GDF1: variants seen among roughly 807,000 people sequenced by gnomAD.
GDF1 encodes embryonic growth/differentiation factor 1.
A neutral mutation model predicts 7.4 loss-of-function variants in GDF1; 8 were observed. The observed-to-expected ratio is 1.09, with a 90% CI of 0.64 to 1.96. The LOEUF (loss-of-function observed/expected upper bound fraction) is 1.96, where lower values mean the gene tolerates loss of function less well. Among genes scored for constraint, GDF1 ranks in the 30% most tolerant of loss-of-function variants. The pLI is 0.00. For missense variants in GDF1, 574 were observed against 551.5 expected (o/e 1.04, Z -0.41); for synonymous variants, 311 against 276.7 (o/e 1.12, Z -1.23).
intron 6 of GDF1, among the ~76,000 whole-genome samples, chr19:18,873,020 T>C (rs1418668288): frequency 6.6e-6 from 1 of 152,104 alleles, no homozygotes; most frequent in African/African-American, 2.4e-5. Context: ...CCAGAGCGAG[T>C]GTGCAGAGAG....
Position 18,885,529 on chromosome 19 carries a change from T to TG in GDF1, c.-913-1263_-913-1262insC, listed in dbSNP as rs1568302770. 1.1e-3 allele frequency among the ~76,000 whole-genome samples: 160 copies of TG among 148,906 alleles called. 3 individuals are homozygous for TG. The highest frequency in any genetic ancestry group is 3.5e-3 in the African/African-American group (140 of 40,034). On this transcript the variant is annotated intron_variant, in intron 2 of 7. Coordinates refer to ENST00000247005, the MANE Select transcript of GDF1 (RefSeq NM_001492.6). The stretch of plus-strand genomic sequence containing the variant: ...CCTTCTCGTTTTTTTTTTTTTTTTT[T>TG]TTTTTTTTGAGATGGAGTCTTGCTC...
Position 18,870,677 on chromosome 19 carries a change from C to G in GDF1, c.-312-58G>C. The G allele has an allele frequency of 3.9e-6, 2 of 510,026 alleles. No homozygotes were observed. Among genetic ancestry groups the G allele is most frequent in the East Asian group, 6.8e-5 (2 of 29,438 alleles). 31.6% of individuals were successfully genotyped at this position (510,026 alleles called of 1,614,324 possible). A position where few individuals can be genotyped will look rare whatever the true frequency, so the allele number is the denominator to read the frequency against. On this transcript the variant is annotated intron_variant, in intron 6 of 7. Transcript: ENST00000247005. The surrounding 1 kb of genome is among the most constrained non-coding windows in gnomAD (Gnocchi z 5.1). ...GAGCCCCACGCGGCCGCCTGGCCCT[C>G]TTTCCCGCTTCTTCTCTGGCCGTTT...
At chr19:18,889,045 C>T (rs2056431867) in intron 2 of GDF1, among the ~76,000 whole-genome samples, 2 of 151,680 alleles carry the variant, frequency 1.3e-5, no homozygotes, top group Admixed American at 1.3e-4. Flanking sequence ...GCATGCATCC[C>T]CACGCCTGGC....
intron 3 of GDF1, 90 bp from the exon 4 acceptor site, chr19:18,880,525 C>T: frequency 3.8e-6 from 5 of 1,313,848 alleles, no homozygotes; most frequent in East Asian, 2.6e-5. Context: ...CCCTGGGCTA[C>T]ACCTCAGGCT....
Position 18,895,742 on chromosome 19 carries a change from G to T in GDF1, c.-1074+82C>A. 1 of 756,278 alleles carries T rather than the reference G, an allele frequency of 1.3e-6. No homozygotes were observed. The allele number at this position is 756,278 out of a possible 1,614,324, so 46.8% of individuals were successfully genotyped here. ...CGCAGCAGCCAGCGCTGGAAGAAAG[G>T]AACGCGCCGGCGGCCCCAGGTCCCC... is the stretch of plus-strand genomic sequence containing the variant. On this transcript the variant is annotated intron_variant, in intron 1 of 7. Transcript: ENST00000247005. The surrounding 1 kb of genome is among the most constrained non-coding windows in gnomAD (Gnocchi z 6.4).
chr19:18,895,877 C>A lies in GDF1; in HGVS notation c.-1127G>T. ...CGCAGGGCGGTCCAGCCCAGCGCGCCGAGCGCCAGCAGCAGCAGCTCGGGC... is the reference window on the plus strand; with the variant it reads ...CGCAGGGCGGTCCAGCCCAGCGCGCAGAGCGCCAGCAGCAGCAGCTCGGGC... On this transcript the variant is annotated 5_prime_UTR_variant, in exon 1 of 8. Transcript: ENST00000247005. The surrounding 1 kb of genome is among the most constrained non-coding windows in gnomAD (Gnocchi z 6.4). The A allele has an allele frequency of 7.8e-7, 1 of 1,281,994 alleles. No homozygotes were observed. The highest frequency in any genetic ancestry group is 2.1e-5 in the South Asian group (1 of 47,108). The allele number at this position is 1,281,994 out of a possible 1,614,324, so 79.4% of individuals were successfully genotyped here.
intron 6 of GDF1, among the ~76,000 whole-genome samples, chr19:18,872,823 A>G (rs2055998881): frequency 6.6e-6 from 1 of 151,112 alleles, no homozygotes. Context: ...TAATTTTTAT[A>G]TTTTTAGTAG....
rs2056591788 is a variant in GDF1, at chr19:18,895,040, G to C, written c.-1074+784C>G. The stretch of plus-strand genomic sequence containing the variant: ...TCACCATCATGGTCACTCTCTCGCA[G>C]GGGCGATGGTCTCCGCAGAAACTGG... On this transcript the variant is annotated intron_variant, in intron 1 of 7. Transcript: ENST00000247005. The surrounding 1 kb of genome is among the most constrained non-coding windows in gnomAD (Gnocchi z 6.4). Among the ~76,000 whole-genome samples, 1 of 152,218 alleles carries C rather than the reference G, an allele frequency of 6.6e-6. No homozygotes were observed. The highest frequency in any genetic ancestry group is 2.4e-5 in the African/African-American group (1 of 41,460).
rs1249969027 is a variant in GDF1 at position 18,870,488 on chromosome 19, T to C, written c.-181A>G. 1.7e-3 allele frequency: 499 copies of C among 299,206 alleles called. No homozygotes were observed. Among genetic ancestry groups the C allele is most frequent in the Non-Finnish European group, 2.5e-3 (436 of 172,732 alleles). 18.5% of individuals were successfully genotyped at this position (299,206 alleles called of 1,614,324 possible). A position where few individuals can be genotyped will look rare whatever the true frequency, so the allele number is the denominator to read the frequency against. On this transcript the variant is annotated 5_prime_UTR_variant, in exon 7 of 8. Transcript: ENST00000247005. This position sits in a 1 kb window ranked among gnomAD's most constrained non-coding sequence, Gnocchi z 5.1. ...TGGCGGCGGCCCTAGAGGAGCAGAG[T>C]TGGAGGGGGTGGAGGGGCGGCCAAG...
At position 18,888,093 on chromosome 19, in the gene GDF1, C is replaced by T. The variant is rs1431210698; in HGVS notation, c.-913-3826G>A. 3.3e-5 allele frequency among the ~76,000 whole-genome samples: 5 copies of T among 152,328 alleles called. No individual in the cohort carries two copies. In the East Asian group the frequency reaches 9.6e-4, roughly 29 times the overall value. ...AAGAAATGGAGGCCAACTGAGGTGG[C>T]TCACGCCTGTAATCCCACCACTTTG... On this transcript the variant is annotated intron_variant, in intron 2 of 7. Transcript: ENST00000247005.
intron 2 of GDF1, among the ~76,000 whole-genome samples, chr19:18,886,006 C>G (rs1305684979): frequency 1.3e-5 from 2 of 152,212 alleles, no homozygotes; most frequent in African/African-American, 4.8e-5. Flanking sequence ...CCTGGTGCAC[C>G]TGACCACCAC....
Position 18,879,053 on chromosome 19 carries a change from G to A in GDF1, c.-422-14C>T. 6.2e-7 allele frequency: 1 copy of A among 1,612,236 alleles called. No homozygotes were observed. The highest frequency in any genetic ancestry group is 8.5e-7 in the Non-Finnish European group (1 of 1,179,546). Reference sequence around the variant, plus strand: ...CGCCACGATGTACTGCGAGAGGGGAGGGGAGGTGCCAGTGAGAAGAAAGCC... The same window carrying A: ...CGCCACGATGTACTGCGAGAGGGGAAGGGAGGTGCCAGTGAGAAGAAAGCC... On this transcript the variant is annotated splice_polypyrimidine_tract_variant and intron_variant, in intron 5 of 7. Coordinates refer to ENST00000247005, the MANE Select transcript of GDF1 (RefSeq NM_001492.6).
Position 18,895,983 on chromosome 19 carries a change from C to T in GDF1, c.-1233G>A, listed in dbSNP as rs1325146617. 1.9e-6 allele frequency: 2 copies of T among 1,044,796 alleles called. No homozygotes were observed. The highest frequency in any genetic ancestry group is 3.5e-5 in the South Asian group (1 of 28,518). 64.7% of individuals were successfully genotyped at this position (1,044,796 alleles called of 1,614,324 possible). On this transcript the variant is annotated 5_prime_UTR_variant, in exon 1 of 8. Coordinates refer to ENST00000247005, the MANE Select transcript of GDF1 (RefSeq NM_001492.6). This position sits in a 1 kb window ranked among gnomAD's most constrained non-coding sequence, Gnocchi z 6.4. ...CCGTGCAGCCCCGCGCCGCCGCCAG[C>T]GCGCTGCCCCAGCCGCGCTGCACTA...
At chr19:18,891,268 T>C (rs2056484164) in intron 2 of GDF1, among the ~76,000 whole-genome samples, 1 of 152,168 alleles carries the variant, frequency 6.6e-6, no homozygotes, top group Non-Finnish European at 1.5e-5. Flanking sequence ...CACTGTACAC[T>C]CTGGGCTCCG....
chr19:18,884,709 CTTTTTTTT>C (rs36074874), intron 2 of GDF1, among the ~76,000 whole-genome samples: 7 of 69,128 alleles, frequency 1.0e-4, no homozygotes, highest in Non-Finnish European at 1.5e-4. Flanking sequence ...GCCCAGCCGT[CTTTTTTTT>C]TTTTTTTTTT....
chr19:18,869,982 C>T lies in GDF1; in HGVS notation c.325+1G>A. On this transcript the variant is annotated splice_donor_variant, in intron 7 of 7. Coordinates refer to ENST00000247005, the MANE Select transcript of GDF1 (RefSeq NM_001492.6). LOFTEE classifies it high-confidence loss of function. Reference sequence around the variant, plus strand: ...GTGTCCCCAGCGAAAGCCCCACTCACCGCGGTCCGGGATGTGGCGCACGAT... The same window carrying T: ...GTGTCCCCAGCGAAAGCCCCACTCATCGCGGTCCGGGATGTGGCGCACGAT... 1.9e-6 allele frequency: 3 copies of T among 1,586,418 alleles called. No homozygotes were observed. The highest frequency in any genetic ancestry group is 2.6e-6 in the Non-Finnish European group (3 of 1,168,062).
intron 2 of GDF1, among the ~76,000 whole-genome samples, chr19:18,892,637 C>A (rs1050120025): frequency 6.6e-6 from 1 of 151,960 alleles, no homozygotes; most frequent in African/African-American, 2.4e-5. Flanking sequence ...CAACCACATC[C>A]AGAACAGAAC....
intron 2 of GDF1, among the ~76,000 whole-genome samples, chr19:18,887,299 C>T (rs2056384958): frequency 6.6e-6 from 1 of 152,140 alleles, no homozygotes; most frequent in Non-Finnish European, 1.5e-5. Flanking sequence ...ATGCCCAGAA[C>T]AGGCAAATCT....
intron 2 of GDF1, among the ~76,000 whole-genome samples, chr19:18,892,961 G>C (rs574964020): frequency 1.2e-4 from 18 of 152,092 alleles, no homozygotes; most frequent in Admixed American, 7.9e-4. Context: ...CTGTTGCCCA[G>C]GCTGGAGTGC....
Sources: allele counts gnomAD v4.1 joint callset (sites outside exome capture counted in the v4.1 genomes callset), GRCh38; gene constraint gnomAD v4.1.1; non-coding constraint Gnocchi (gnomAD v3.1); transcripts MANE v1.5; gene names NCBI Gene and HGNC (gene_info 2026-07-23, HGNC 2026-07-21).